SUSD4: variants seen among roughly 807,000 people sequenced by gnomAD.
The protein encoded by SUSD4 is sushi domain containing 4.
Under a neutral mutation model 50.5 loss-of-function variants are expected in SUSD4, and 41 were observed. The observed-to-expected ratio is 0.81, with a 90% CI of 0.63 to 1.05. The LOEUF (loss-of-function observed/expected upper bound fraction) is 1.05. Among genes scored for constraint, SUSD4 ranks in the 50% least tolerant of loss-of-function variants. The pLI, the probability that SUSD4 is intolerant of heterozygous loss-of-function variation, is 0.00. For missense variants in SUSD4, 580 were observed against 634.7 expected, an observed-to-expected ratio of 0.91 and a Z score of 0.93; for synonymous variants, 257 against 257.3, an observed-to-expected ratio of 1.00 and a Z score of 0.01.
chr1:223,222,055 T>C lies in SUSD4; in HGVS notation c.*137A>G, dbSNP rs535407113. ...GTCAGCCTCACTGTGGAGCCTGAGA[T>C]GCATAATGTGAACTGTGGTCCCCAT... On this transcript the variant is annotated 3_prime_UTR_variant, in exon 9 of 9. Transcript: ENST00000366878. 5.1e-6 allele frequency: 4 copies of C among 777,348 alleles called. No individual in the cohort carries two copies. The highest frequency in any genetic ancestry group is 1.9e-5 in the South Asian group (1 of 52,480). The allele number at this position is 777,348 out of a possible 1,614,324, so 48.2% of individuals were successfully genotyped here.
At chr1:223,298,373 T>C (rs1339807493) in intron 2 of SUSD4, among the ~76,000 whole-genome samples, 1 of 152,166 alleles carries the variant, frequency 6.6e-6, no homozygotes, top group Non-Finnish European at 1.5e-5. Flanking sequence ...CTTTCACCTT[T>C]CTCTCCTCTC....
intron 2 of SUSD4, among the ~76,000 whole-genome samples, chr1:223,339,584 T>C (rs1667641936): frequency 6.6e-6 from 1 of 151,964 alleles, no homozygotes; most frequent in African/African-American, 2.4e-5. Context: ...ACTGAGGGAG[T>C]CACTGCAGCA....
chr1:223,278,139 G>A (rs536647205), intron 3 of SUSD4, among the ~76,000 whole-genome samples: 22 of 152,186 alleles, frequency 1.4e-4, no homozygotes, highest in African/African-American at 4.3e-4. Context: ...CAGCATGAGC[G>A]ACGCAGAAGA....
rs569963304 is a variant in SUSD4, at chr1:223,283,694, C to T, written c.361+8745G>A. Among the ~76,000 whole-genome samples the T allele has an allele frequency of 3.7e-4, 57 of 152,270 alleles. 1 individual carries two copies. The highest frequency in any genetic ancestry group is 1.3e-3 in the African/African-American group (54 of 41,538). On this transcript the variant is annotated intron_variant, in intron 3 of 8. Transcript: ENST00000366878. Reference sequence around the variant, plus strand: ...GTGGCAATTCCTCAAGGATCTAGAACTAGAAATACCATTTGACCCAGCCAT... The same window carrying T: ...GTGGCAATTCCTCAAGGATCTAGAATTAGAAATACCATTTGACCCAGCCAT...
At chr1:223,232,031 C>T (rs540690696) in intron 5 of SUSD4, among the ~76,000 whole-genome samples, 160 of 152,250 alleles carry the variant, frequency 1.1e-3, no homozygotes, top group African/African-American at 3.7e-3. Flanking sequence ...AATGGAGAAA[C>T]GTGGAGGACG....
At chr1:223,305,800 T>C (rs1053511537) in intron 2 of SUSD4, among the ~76,000 whole-genome samples, 1 of 152,082 alleles carries the variant, frequency 6.6e-6, no homozygotes, top group East Asian at 1.9e-4. Flanking sequence ...TGGGAATGAG[T>C]TGGGGGATGC....
chr1:223,349,755 G>GT, intron 2 of SUSD4, among the ~76,000 whole-genome samples: 1 of 152,084 alleles, frequency 6.6e-6, no homozygotes, highest in African/African-American at 2.4e-5. Context: ...TCTCCTCCTG[G>GT]AAGCCTTCCC....
At chr1:223,348,669 G>A (rs547833696) in intron 2 of SUSD4, among the ~76,000 whole-genome samples, 8 of 152,186 alleles carry the variant, frequency 5.3e-5, no homozygotes, top group African/African-American at 1.9e-4. Context: ...AGGCCTCCCC[G>A]GTACACTACC....
rs75193240 is a variant in SUSD4 at position 223,349,855 on chromosome 1, G to A, written c.148+13423C>T. Among the ~76,000 whole-genome samples the A allele has an allele frequency of 3.3e-5, 5 of 152,292 alleles. No homozygotes were observed. The East Asian group carries it at 7.7e-4, about 24-fold the overall frequency. On this transcript the variant is annotated intron_variant, in intron 2 of 8. Coordinates refer to ENST00000366878, the MANE Select transcript of SUSD4 (RefSeq NM_017982.4). ...TTTGTCTTCCTTTCGTATCTGCTAA[G>A]AGCTGAATTGTATCCCTCTAAATTC...
intron 2 of SUSD4, among the ~76,000 whole-genome samples, chr1:223,318,629 T>C (rs1666370350): frequency 6.9e-6 from 1 of 143,996 alleles, no homozygotes; most frequent in African/African-American, 2.5e-5. Flanking sequence ...CATTTCTTCA[T>C]GTGTTTTTTG....
chr1:223,308,461 C>G (rs551763343), intron 2 of SUSD4, among the ~76,000 whole-genome samples: 16 of 152,290 alleles, frequency 1.1e-4, no homozygotes, highest in Non-Finnish European at 2.2e-4. Context: ...TCCTACACAG[C>G]CTGCAGACCC....
At chr1:223,233,358 AAAC>A (rs1660014159) in intron 5 of SUSD4, among the ~76,000 whole-genome samples, 2 of 152,156 alleles carry the variant, frequency 1.3e-5, no homozygotes, top group Admixed American at 1.3e-4. Flanking sequence ...ACTTGGAAGG[AAAC>A]AACAACAAAA....
At chr1:223,362,053 CAAAAAT>C (rs937019318) in intron 2 of SUSD4, among the ~76,000 whole-genome samples, 41 of 152,076 alleles carry the variant, frequency 2.7e-4, no homozygotes, top group African/African-American at 9.6e-4. Context: ...AAAAAAAATA[CAAAAAT>C]AAAAATAAAA....
intron 3 of SUSD4, among the ~76,000 whole-genome samples, chr1:223,280,465 C>G (rs1055136067): frequency 6.6e-6 from 1 of 151,802 alleles, no homozygotes; most frequent in African/African-American, 2.4e-5. Context: ...GACTTTAAAC[C>G]AACAAAGATC....
At chr1:223,318,063 T>C (rs1467449180) in intron 2 of SUSD4, among the ~76,000 whole-genome samples, 1 of 70,394 alleles carries the variant, frequency 1.4e-5, no homozygotes, top group Non-Finnish European at 2.8e-5. Flanking sequence ...TGTGTCCATG[T>C]GATCTCATTG....
chr1:223,337,132 T>A (rs1475271219), intron 2 of SUSD4, among the ~76,000 whole-genome samples: 2 of 152,214 alleles, frequency 1.3e-5, no homozygotes, highest in Non-Finnish European at 2.9e-5. Flanking sequence ...AATGCATAAA[T>A]GAATGACATT....
At chr1:223,336,703 C>CTT (rs572745274) in intron 2 of SUSD4, among the ~76,000 whole-genome samples, 1 of 148,206 alleles carries the variant, frequency 6.7e-6, no homozygotes, top group Non-Finnish European at 1.5e-5. Context: ...AGCTTTAATC[C>CTT]TTTTTTTTTT....
intron 2 of SUSD4, 61 bp downstream of exon 2, chr1:223,363,217 C>A (rs1044536837): frequency 3.5e-6 from 5 of 1,436,856 alleles, no homozygotes; most frequent in Non-Finnish European, 4.6e-6. Flanking sequence ...GTCCTGGCAG[C>A]TAGGCTCTTT....
rs749454105 is a variant in SUSD4, at chr1:223,264,870, A to G, written c.536-52T>C. The G allele has an allele frequency of 4.0e-5, 63 of 1,571,658 alleles. 1 individual carries two copies. In the South Asian group the frequency reaches 6.4e-4, roughly 16 times the overall value. On this transcript the variant is annotated intron_variant, in intron 4 of 8. Transcript: ENST00000366878. The stretch of plus-strand genomic sequence containing the variant: ...AGATTCCACTCTGTCATCTCTGTAC[A>G]TCGAAAAGTCACACAGAACACTGGA...
Sources: allele counts gnomAD v4.1 joint callset (sites outside exome capture counted in the v4.1 genomes callset), GRCh38; gene constraint gnomAD v4.1.1; transcripts MANE v1.5; gene names NCBI Gene and HGNC (gene_info 2026-07-23, HGNC 2026-07-21).